Variants in ASTN1 observed in about 807,000 individuals in gnomAD.
ASTN1 encodes astrotactin 1, also known as astrotactin-1.
Under a neutral mutation model 140.7 loss-of-function variants are expected in ASTN1, and 41 were observed. The ratio of observed to expected loss-of-function variants is 0.29; its 90% CI spans 0.23 to 0.38. The LOEUF (loss-of-function observed/expected upper bound fraction) is 0.38, where lower values mean the gene tolerates loss of function less well. Ranked by LOEUF, ASTN1 falls within the 10% of genes least tolerant of loss-of-function variation. The pLI, the probability that ASTN1 is intolerant of heterozygous loss-of-function variation, is 1.00. For missense variants in ASTN1, 1,479 were observed against 1,678.8 expected, an observed-to-expected ratio of 0.88 and a Z score of 2.08; for synonymous variants, 640 against 652.2, an observed-to-expected ratio of 0.98 and a Z score of 0.29.
intron 17 of ASTN1, among the ~76,000 whole-genome samples, chr1:176,891,564 C>G (rs1273066119): frequency 6.6e-6 from 1 of 152,208 alleles, no homozygotes. Context: ...GAGGTCGAGG[C>G]TGGCGGATCA....
At chr1:177,063,899 C>T (rs1199160351) in intron 1 of ASTN1, among the ~76,000 whole-genome samples, 3 of 152,150 alleles carry the variant, frequency 2.0e-5, no homozygotes, top group African/African-American at 7.2e-5. Flanking sequence ...CCATTCCACC[C>T]GAGGGCAGGA....
chr1:177,085,176 G>A (rs892176199), intron 1 of ASTN1, among the ~76,000 whole-genome samples: 1 of 152,174 alleles, frequency 6.6e-6, no homozygotes, highest in Non-Finnish European at 1.5e-5. Context: ...GATGACATTT[G>A]TTCCGAATTC....
At position 176,861,560 on chromosome 1, in the gene ASTN1, GA is replaced by G. The variant is rs913768604; in HGVS notation, c.*2723del. The stretch of plus-strand genomic sequence containing the variant: ...TGAGATCAATAGTGTCTTCCAAGGG[GA>G]AAAAATCCTCCAGTCAATTGTACAA... On this transcript the variant is annotated 3_prime_UTR_variant, in exon 23 of 23. Transcript: ENST00000361833. 7 of 985,708 alleles carry G rather than the reference GA, an allele frequency of 7.1e-6. No homozygotes were observed. Among genetic ancestry groups the G allele is most frequent in the East Asian group, 1.1e-4 (1 of 8,816 alleles). 61.1% of individuals were successfully genotyped at this position (985,708 alleles called of 1,614,324 possible).
At chr1:177,034,487 T>TC (rs1676613854) in intron 2 of ASTN1, among the ~76,000 whole-genome samples, 1 of 152,126 alleles carries the variant, frequency 6.6e-6, no homozygotes, top group Admixed American at 6.5e-5. Flanking sequence ...ATGCTCAGGT[T>TC]CCATTATGGG....
At chr1:176,911,201 C>T (rs1041651609) in intron 16 of ASTN1, among the ~76,000 whole-genome samples, 1 of 152,128 alleles carries the variant, frequency 6.6e-6, no homozygotes, top group East Asian at 1.9e-4. Flanking sequence ...GGGCACTTAC[C>T]GTGATTGGAG....
At chr1:176,985,966 A>T (rs1192541662) in intron 8 of ASTN1, among the ~76,000 whole-genome samples, 9 of 151,874 alleles carry the variant, frequency 5.9e-5, no homozygotes, top group Admixed American at 5.3e-4. Flanking sequence ...TGAAACCCTG[A>T]TACACTCAGG....
At chr1:176,993,772 C>T (rs113096338) in intron 8 of ASTN1, among the ~76,000 whole-genome samples, 312 of 152,296 alleles carry the variant, frequency 2.0e-3, no homozygotes, top group African/African-American at 7.2e-3. Flanking sequence ...CTTTAGGATG[C>T]TCCCTCCTCA....
chr1:176,903,468 C>G (rs1456072749), intron 16 of ASTN1, among the ~76,000 whole-genome samples: 1 of 152,174 alleles, frequency 6.6e-6, no homozygotes, highest in Non-Finnish European at 1.5e-5. Flanking sequence ...TGAGGATGTA[C>G]CCCTCTGCAT....
intron 1 of ASTN1, among the ~76,000 whole-genome samples, chr1:177,067,310 A>G (rs1010073045): frequency 1.3e-5 from 2 of 152,196 alleles, no homozygotes; most frequent in African/African-American, 4.8e-5. Context: ...ACCCTCTGCT[A>G]TCTCAGCAGC....
chr1:177,078,340 C>T (rs752561196), intron 1 of ASTN1, among the ~76,000 whole-genome samples: 7 of 152,152 alleles, frequency 4.6e-5, no homozygotes, highest in Non-Finnish European at 7.4e-5. Context: ...CAAACATTTC[C>T]CACCATTGAG....
chr1:177,164,331 G>T, intron 1 of ASTN1, 63 bp downstream of exon 1: 1 of 1,467,164 alleles, frequency 6.8e-7, no homozygotes. Context: ...AGAGCGAGCT[G>T]GAGTGGGGGG....
Position 176,934,318 on chromosome 1 carries a change from C to A in ASTN1, c.2505G>T (p.Ser835=). 1.9e-6 allele frequency: 3 copies of A among 1,612,702 alleles called. No individual in the cohort carries two copies. The highest frequency in any genetic ancestry group is 2.2e-5 in the South Asian group (2 of 90,944). Residue 835 remains serine, a synonymous_variant, in exon 16 of 23, where the codon TCG becomes TCT. Transcript: ENST00000361833. ...CTGCACGAGATGTAGCCCCATCCAG[C>A]GAGTGGAGAGCATTGCTGAGGGCTA... The part of the protein sequence containing the change: ...ISQALSNALH[S]LDGATSRADF...
chr1:177,020,816 G>A (rs1558036172), intron 7 of ASTN1, among the ~76,000 whole-genome samples: 1 of 152,196 alleles, frequency 6.6e-6, no homozygotes, highest in African/African-American at 2.4e-5. Context: ...CTGGCACCAG[G>A]AGGCTGCTCC....
At chr1:177,060,237 T>A (rs1455055256) in intron 2 of ASTN1, among the ~76,000 whole-genome samples, 1 of 152,138 alleles carries the variant, frequency 6.6e-6, no homozygotes, top group Non-Finnish European at 1.5e-5. Flanking sequence ...TTTTGAGGCT[T>A]CAAATTTCTA....
chr1:176,928,311 A>G (rs1671060843), intron 16 of ASTN1, among the ~76,000 whole-genome samples: 1 of 152,192 alleles, frequency 6.6e-6, no homozygotes, highest in African/African-American at 2.4e-5. Flanking sequence ...GAGTGGGAAG[A>G]AGATTTACTT....
At chr1:176,948,816 T>C (rs1672063679) in intron 12 of ASTN1, among the ~76,000 whole-genome samples, 1 of 152,190 alleles carries the variant, frequency 6.6e-6, no homozygotes, top group Non-Finnish European at 1.5e-5. Context: ...TCCCGAGTTT[T>C]AAACAATAAA....
chr1:176,886,113 C>T lies in ASTN1; in HGVS notation c.3075-1623G>A, dbSNP rs533138589. Among the ~76,000 whole-genome samples the T allele has an allele frequency of 7.2e-5, 11 of 152,148 alleles. No individual in the cohort carries two copies. In the South Asian group the frequency reaches 1.7e-3, roughly 23 times the overall value. The stretch of plus-strand genomic sequence containing the variant: ...ATTCTGTGAAAATATGGACTAAACC[C>T]GGCCTCTTCTGAGAAATAGAAGTGT... On this transcript the variant is annotated intron_variant, in intron 18 of 22. Transcript: ENST00000361833.
At chr1:177,040,850 T>C (rs76545367) in intron 2 of ASTN1, among the ~76,000 whole-genome samples, 85 of 152,240 alleles carry the variant, frequency 5.6e-4, no homozygotes, top group Non-Finnish European at 9.9e-4. Flanking sequence ...ACAGGGACAG[T>C]GGTTGGAGGC....
At chr1:177,037,446 G>T (rs1003970629) in intron 2 of ASTN1, among the ~76,000 whole-genome samples, 9 of 152,156 alleles carry the variant, frequency 5.9e-5, no homozygotes, top group South Asian at 4.1e-4. Context: ...CACACACAAG[G>T]CTTTACAGAG....
Sources: allele counts gnomAD v4.1 joint callset (sites outside exome capture counted in the v4.1 genomes callset), GRCh38; gene constraint gnomAD v4.1.1; transcripts MANE v1.5; gene names NCBI Gene and HGNC (gene_info 2026-07-23, HGNC 2026-07-21).